ABCA2: variants seen among roughly 807,000 people sequenced by gnomAD.
ABCA2 encodes the protein ATP-binding cassette sub-family A member 2.
In ABCA2, 84 loss-of-function variants were observed where a neutral mutation model predicts 262.8. The ratio of observed to expected loss-of-function variants is 0.32; its 90% CI spans 0.27 to 0.38. The LOEUF is 0.38. Ranked by LOEUF, ABCA2 falls within the 10% of genes least tolerant of loss-of-function variation. The pLI, the probability that ABCA2 is intolerant of heterozygous loss-of-function variation, is 1.00. For missense variants in ABCA2, 2,662 were observed against 3,405.9 expected (o/e 0.78, Z 5.44); for synonymous variants, 1,696 against 1,502.9 (o/e 1.13, Z -2.97).
Position 137,014,826 on chromosome 9 carries a change from A to AG in ABCA2, c.3883-17dup. ...GCTCCAGGTGCTGCAGGGGCGGTGG[A>AG]GGGGGAGGCTGCGGCAGGGACGCCC... On this transcript the variant is annotated splice_polypyrimidine_tract_variant and intron_variant, in intron 25 of 48. Transcript: ENST00000341511. 1 of 1,595,676 alleles carries AG rather than the reference A, an allele frequency of 6.3e-7. No homozygotes were observed. The highest frequency in any genetic ancestry group is 8.5e-7 in the Non-Finnish European group (1 of 1,171,914).
At position 137,015,718 on chromosome 9, in the gene ABCA2, G is replaced by A. The variant is rs748192468; in HGVS notation, c.3471C>T (p.Tyr1157=). 6.3e-5 allele frequency: 102 copies of A among 1,611,332 alleles called. No individual in the cohort carries two copies. Among genetic ancestry groups the A allele is most frequent in the East Asian group, 1.1e-4 (5 of 44,852 alleles). ...LDEPTAGVDP[Y]ARRAIWDLIL... is the part of the protein sequence containing the mutation. ...TGAGGTCCCAGATGGCGCGGCGCGC[G>A]TAGGGGTCCACGCCCGCCGTGGGCT... Residue 1157 remains tyrosine (Y), a synonymous_variant, in exon 23 of 49, where the codon TAC becomes TAT. Transcript: ENST00000341511.
Position 137,020,381 on chromosome 9 carries a change from G to A in ABCA2, c.1380C>T (p.Ile460=), listed in dbSNP as rs749810192. The change falls in exon 10 of 49, where the codon ATC becomes ATT. Residue 460 remains isoleucine (I), a synonymous_variant. Transcript: ENST00000341511. ...CCTCAGAGCCCGCAGGCGCGTACAG[G>A]ATTTTGGGGTTGCTGGTCATGAGGT... is the stretch of plus-strand genomic sequence containing the variant. ...LVHLMTSNPK[I]LYAPAGSEVD... is the part of the protein sequence containing the mutation. 6.2e-6 allele frequency: 10 copies of A among 1,613,042 alleles called. No homozygotes were observed. The highest frequency in any genetic ancestry group is 1.1e-5 in the South Asian group (1 of 91,096).
At position 137,016,176 on chromosome 9, in the gene ABCA2, T is replaced by C; in HGVS notation, c.3105-2A>G. The C allele has an allele frequency of 6.2e-7, 1 of 1,612,524 alleles. No individual in the cohort carries two copies. Among genetic ancestry groups the C allele is most frequent in the Non-Finnish European group, 8.5e-7 (1 of 1,179,826 alleles). Reference sequence around the variant, plus strand: ...GGGAACAGGCCGGTCAGGATGGACCTGGGTAGGTGGGCGGGGTCATGACCC... The same window carrying C: ...GGGAACAGGCCGGTCAGGATGGACCCGGGTAGGTGGGCGGGGTCATGACCC... On this transcript the variant is annotated splice_acceptor_variant, in intron 21 of 48. Transcript: ENST00000341511. LOFTEE classifies it high-confidence loss of function.
chr9:137,012,436 C>A (rs1242951014), intron 32 of ABCA2, 49 bp downstream of exon 32: 1 of 1,608,940 alleles, frequency 6.2e-7, no homozygotes, highest in Non-Finnish European at 8.5e-7. Context: ...CCCTGCAGAC[C>A]TCGGGCGGCG....
At chr9:137,009,112 C>G in intron 45 of ABCA2, 59 bp from the exon 46 acceptor site, 4 of 1,527,244 alleles carry the variant, frequency 2.6e-6, no homozygotes, top group Middle Eastern at 1.8e-4. Context: ...CCCCAGCCCC[C>G]CAGCCTCCCA....
intron 3 of ABCA2, 68 bp from the exon 4 acceptor site, chr9:137,023,120 G>A: frequency 8.0e-7 from 1 of 1,255,748 alleles, no homozygotes; most frequent in South Asian, 1.3e-5. Context: ...GAATCCAGAA[G>A]GGGAGGGAGA....
Position 137,009,964 on chromosome 9 carries a change from C to G in ABCA2, c.6495+19G>C, listed in dbSNP as rs759143698. The G allele has an allele frequency of 1.6e-5, 26 of 1,595,114 alleles. No individual in the cohort carries two copies. The Admixed American group carries it at 1.9e-4, about 11-fold the overall frequency. On this transcript the variant is annotated intron_variant, in intron 42 of 48. Coordinates refer to ENST00000341511, the MANE Select transcript of ABCA2 (RefSeq NM_001606.5). ...CCACCCAGCGTGCTGACTCCCTGCC[C>G]CGCCCCACAGATCCTCACCCGGGCC...
chr9:137,011,459 C>T lies in ABCA2; in HGVS notation c.5747G>A (p.Gly1916Asp), dbSNP rs868202013. The T allele has an allele frequency of 1.2e-6, 2 of 1,610,070 alleles. No homozygotes were observed. The highest frequency in any genetic ancestry group is 1.7e-6 in the Non-Finnish European group (2 of 1,178,836). Residue 1916 changes from glycine (G) to aspartate (D), a missense_variant, in exon 37 of 49, where the codon GGC (glycine) becomes GAC (aspartate). By Grantham distance (94) the Gly-to-Asp change is moderately conservative (BLOSUM62 -1). This residue lies in a region of ABCA2 where 602 missense variants were observed against 897.4 expected (regional missense o/e 0.67). Transcript: ENST00000341511. The surrounding 1 kb of genome is among the most constrained non-coding windows in gnomAD (Gnocchi z 8.8). ...VFLIVINLFI[G>D]ITATVATFLL... ...GAAGGTGGCCACGGTGGCGGTGATG[C>T]CGATGAAGAGATTGATGACAATGAG... is the stretch of plus-strand genomic sequence containing the variant.
chr9:137,012,214 C>A (rs1323407031), intron 33 of ABCA2, 51 bp downstream of exon 33: 2 of 1,604,226 alleles, frequency 1.2e-6, no homozygotes, highest in Non-Finnish European at 8.5e-7. Flanking sequence ...TCCTCCCCGC[C>A]CCGGCCCCAG....
At chr9:137,016,839 A>C (rs1831275717) in intron 19 of ABCA2, 81 bp downstream of exon 19, 2 of 1,573,058 alleles carry the variant, frequency 1.3e-6, no homozygotes, top group East Asian at 4.5e-5. Context: ...TGCTGCATCC[A>C]GGAGTGGACA....
rs866491313 is a variant in ABCA2, at chr9:137,022,630, G to C, written c.439+72C>G. The C allele has an allele frequency of 1.1e-4, 169 of 1,565,856 alleles. No individual in the cohort carries two copies. In the Middle Eastern group the frequency reaches 3.0e-3, roughly 28 times the overall value. On this transcript the variant is annotated intron_variant, in intron 5 of 48. Transcript: ENST00000341511. ...GCAGGTGGAGGGGCCCAGAGTGGATGTGGGCTTCAGCCCAGTGACAGCAGA... is the reference window on the plus strand; with the variant it reads ...GCAGGTGGAGGGGCCCAGAGTGGATCTGGGCTTCAGCCCAGTGACAGCAGA...
In ABCA2 at chr9:137,022,032, G is replaced by GGGTGTGGCTCAGATGGT. The variant is rs760804405; in HGVS notation, c.568-32_568-31insACCATCTGAGCCACACC. On this transcript the variant is annotated intron_variant, in intron 6 of 48. Transcript: ENST00000341511. Reference sequence around the variant, plus strand: ...AGGTGTGGGGGAATGGCTCAGATGGGGTGTGGGGGGCGTGGCTCAGATGGT... The same window carrying GGGTGTGGCTCAGATGGT: ...AGGTGTGGGGGAATGGCTCAGATGGGGGTGTGGCTCAGATGGTGTGTGGGGGGCGTGGCTCAGATGGT... 209 of 1,352,816 alleles carry GGGTGTGGCTCAGATGGT rather than the reference G, an allele frequency of 1.5e-4. 3 individuals are homozygous for GGGTGTGGCTCAGATGGT. In the East Asian group the frequency reaches 4.9e-3, roughly 31 times the overall value. The allele number at this position is 1,352,816 out of a possible 1,614,324, so 83.8% of individuals were successfully genotyped here. A position where few individuals can be genotyped will look rare whatever the true frequency, so the allele number is the denominator to read the frequency against.
At position 137,008,047 on chromosome 9, in the gene ABCA2, G is replaced by A. The variant is rs528444691; in HGVS notation, c.7276-83C>T. The A allele has an allele frequency of 4.9e-5, 74 of 1,521,982 alleles. No individual in the cohort carries two copies. In the East Asian group the frequency reaches 1.1e-3, roughly 22 times the overall value. The allele number at this position is 1,521,982 out of a possible 1,614,324, so 94.3% of individuals were successfully genotyped here. On this transcript the variant is annotated intron_variant, in intron 48 of 48. Transcript: ENST00000341511. ...GAGGACACTTGTGCTGGCCCGCCCC[G>A]GCCCTCCTGCAGGCTGGGCCTGGAC... is the stretch of plus-strand genomic sequence containing the variant.
In ABCA2 at chr9:137,009,965, C is replaced by G; in HGVS notation, c.6495+18G>C. 1 of 1,594,890 alleles carries G rather than the reference C, an allele frequency of 6.3e-7. No homozygotes were observed. The highest frequency in any genetic ancestry group is 8.6e-7 in the Non-Finnish European group (1 of 1,169,342). On this transcript the variant is annotated intron_variant, in intron 42 of 48. Transcript: ENST00000341511. ...CACCCAGCGTGCTGACTCCCTGCCC[C>G]GCCCCACAGATCCTCACCCGGGCCT...
rs543461762 is a variant in ABCA2, at chr9:137,010,508, C to A, written c.6174+112G>T. The A allele has an allele frequency of 2.7e-6, 4 of 1,474,150 alleles. No homozygotes were observed. In the African/African-American group the frequency reaches 4.2e-5, roughly 15 times the overall value. The allele number at this position is 1,474,150 out of a possible 1,614,324, so 91.3% of individuals were successfully genotyped here. A position where few individuals can be genotyped will look rare whatever the true frequency, so the allele number is the denominator to read the frequency against. ...ACAGCCCCACCCCATGCAGGCCCCA[C>A]CCCCAGAGCTCAGGGCCCTGCCCAC... On this transcript the variant is annotated intron_variant, in intron 40 of 48. Coordinates refer to ENST00000341511, the MANE Select transcript of ABCA2 (RefSeq NM_001606.5).
chr9:137,010,368 A>G lies in ABCA2; in HGVS notation c.6178T>C (p.Tyr2060His). The change falls in exon 41 of 49, where the codon TAC (tyrosine) becomes CAC (histidine). Residue 2060 changes from tyrosine (Y) to histidine (H), a missense_variant. Coordinates refer to ENST00000341511, the MANE Select transcript of ABCA2 (RefSeq NM_001606.5). ...MVKIENLTKVYKSRKIGRILA... is the reference protein window; with the variant it reads ...MVKIENLTKVHKSRKIGRILA... Reference sequence around the variant, plus strand: ...ATACGGCCAATCTTCCGGGACTTGTAGACCTGGCCAGGAGCCTGCCCACTC... The same window carrying G: ...ATACGGCCAATCTTCCGGGACTTGTGGACCTGGCCAGGAGCCTGCCCACTC... The G allele has an allele frequency of 6.4e-7, 1 of 1,566,270 alleles. No homozygotes were observed. Among genetic ancestry groups the G allele is most frequent in the Admixed American group, 1.9e-5 (1 of 53,190 alleles).
chr9:137,007,350 TG>T lies in ABCA2; in HGVS notation c.*578del, dbSNP rs992103237. The stretch of plus-strand genomic sequence containing the variant: ...TGGGAGAGCGATGGCAGCTGGGGGT[TG>T]GGGGGGGTCTGGCCCCTTGCCTGGC... On this transcript the variant is annotated 3_prime_UTR_variant, in exon 49 of 49. Coordinates refer to ENST00000341511, the MANE Select transcript of ABCA2 (RefSeq NM_001606.5). 30 of 157,190 alleles carry T rather than the reference TG, an allele frequency of 1.9e-4. No homozygotes were observed. Among genetic ancestry groups the T allele is most frequent in the South Asian group, 3.6e-4 (2 of 5,534 alleles). The allele number at this position is 157,190 out of a possible 1,614,324, so 9.7% of individuals were successfully genotyped here.
Position 137,028,059 on chromosome 9 carries a change from C to T in ABCA2, c.66+16G>A. ...CGCGGCCTCGGGCTGAGGGCGGGCG[C>T]GTGGGGTGGGCTCACCGGGCTCCGG... On this transcript the variant is annotated intron_variant, in intron 1 of 48. Coordinates refer to ENST00000341511, the MANE Select transcript of ABCA2 (RefSeq NM_001606.5). The surrounding 1 kb of genome is among the most constrained non-coding windows in gnomAD (Gnocchi z 6.9). The T allele has an allele frequency of 7.1e-6, 7 of 982,826 alleles. No homozygotes were observed. The highest frequency in any genetic ancestry group is 7.2e-6 in the Non-Finnish European group (6 of 828,258). The allele number at this position is 982,826 out of a possible 1,614,324, so 60.9% of individuals were successfully genotyped here.
At position 137,007,912 on chromosome 9, in the gene ABCA2, G is replaced by T; in HGVS notation, c.*17C>A. ...GTGGTCAGTGGAGCGTGTCCTCCCTGGCCCAGCTCTGGGTGGTCAGCAGAG... is the reference window on the plus strand; with the variant it reads ...GTGGTCAGTGGAGCGTGTCCTCCCTTGCCCAGCTCTGGGTGGTCAGCAGAG... On this transcript the variant is annotated 3_prime_UTR_variant, in exon 49 of 49. Transcript: ENST00000341511. 1 of 1,605,252 alleles carries T rather than the reference G, an allele frequency of 6.2e-7. No homozygotes were observed.
Sources: allele counts gnomAD v4.1 joint callset, GRCh38; gene constraint gnomAD v4.1.1; regional missense constraint gnomAD v4.1.1; non-coding constraint Gnocchi (gnomAD v3.1); transcripts MANE v1.5; gene names NCBI Gene and HGNC (gene_info 2026-07-23, HGNC 2026-07-21).